Variants in SOCS7 observed in about 807,000 individuals in gnomAD.
The protein encoded by SOCS7 is NAP-4.
A neutral mutation model predicts 58.9 loss-of-function variants in SOCS7; 18 were observed. The observed-to-expected ratio is 0.31, with a 90% CI of 0.21 to 0.45. SOCS7 has a LOEUF of 0.45. SOCS7 is among the 20% of genes least tolerant of loss of function. SOCS7 has a pLI of 1.00. For synonymous variants in SOCS7, 388 were observed against 364.3 expected (o/e 1.06, Z -0.74); for missense variants, 667 against 837.3 (o/e 0.80, Z 2.51).
chr17:38,365,970 C>A, intron 4 of SOCS7: 1 of 1,093,420 alleles, frequency 9.1e-7, no homozygotes, highest in Non-Finnish European at 1.1e-6. Context: ...CACTTCACTT[C>A]GAGGTGGGAG....
chr17:38,382,086 T>G (rs986494922), intron 7 of SOCS7, among the ~76,000 whole-genome samples: 4 of 151,480 alleles, frequency 2.6e-5, no homozygotes, highest in Non-Finnish European at 5.9e-5. Flanking sequence ...CCTTTTTAAT[T>G]GAGAGAATCT....
rs758695865 is a variant in SOCS7, at chr17:38,364,817, A to G, written c.1111A>G (p.Thr371Ala). The change falls in exon 3 of 10, where the codon ACT becomes GCT. Residue 371 changes from threonine to alanine, a missense_variant. Physicochemically the swap from Thr to Ala is moderately conservative, Grantham distance 58. Coordinates refer to ENST00000612932, the MANE Select transcript of SOCS7 (RefSeq NM_014598.4). Reference protein sequence around the residue: ...QRGLTSPHPPTPPPPPRRSLS... With the variant: ...QRGLTSPHPPAPPPPPRRSLS... The stretch of plus-strand genomic sequence containing the variant: ...GGGCCTGACCTCTCCACACCCTCCA[A>G]CTCCCCCTCCTCCTCCGAGAAGAAG... 1.9e-6 allele frequency: 3 copies of G among 1,612,882 alleles called. No individual in the cohort carries two copies. The highest frequency in any genetic ancestry group is 2.7e-5 in the African/African-American group (2 of 74,528).
rs547951181 is a variant in SOCS7 at position 38,352,686 on chromosome 17, G to A, written c.634G>A (p.Gly212Ser). Reference sequence around the variant, plus strand: ...CCCGGGTCGCGGAGGAGGAGGGGGCGGCCGGCTTCTGCTGCAGCCCCCAGG... The same window carrying A: ...CCCGGGTCGCGGAGGAGGAGGGGGCAGCCGGCTTCTGCTGCAGCCCCCAGG... ...SSPGRGGGGG[G>S]RLLLQPPGPE... Residue 212 changes from glycine (G) to serine (S), a missense_variant, in exon 1 of 10, where the codon GGC becomes AGC. Physicochemically the swap from Gly to Ser is moderately conservative, Grantham distance 56 (BLOSUM62 0). Around this residue, in one of 9 missense-constraint regions of SOCS7, gnomAD observed 208 missense variants for 190.3 expected, o/e 1.09. Coordinates refer to ENST00000612932, the MANE Select transcript of SOCS7 (RefSeq NM_014598.4). This position sits in a 1 kb window ranked among gnomAD's most constrained non-coding sequence, Gnocchi z 5.5. The A allele has an allele frequency of 2.6e-6, 4 of 1,549,900 alleles. No individual in the cohort carries two copies. Among genetic ancestry groups the A allele is most frequent in the African/African-American group, 2.7e-5 (2 of 73,172 alleles).
chr17:38,373,886 G>A (rs1395952983), intron 6 of SOCS7, among the ~76,000 whole-genome samples: 5 of 152,234 alleles, frequency 3.3e-5, no homozygotes, highest in Non-Finnish European at 7.3e-5. Flanking sequence ...AGAAGACACC[G>A]ATAGAACATC....
chr17:38,361,586 T>C (rs2037719683), intron 1 of SOCS7, 125 bp from the exon 2 acceptor site: 1 of 773,766 alleles, frequency 1.3e-6, no homozygotes, highest in Non-Finnish European at 2.3e-6. Flanking sequence ...ATTACAAGAG[T>C]GTTGCTGACA....
At chr17:38,387,506 TA>T (rs1199581282) in intron 7 of SOCS7, among the ~76,000 whole-genome samples, 1 of 142,630 alleles carries the variant, frequency 7.0e-6, no homozygotes, top group Non-Finnish European at 1.5e-5. Context: ...ATAATATATA[TA>T]CACAATATAT....
Position 38,355,615 on chromosome 17 carries a change from A to G in SOCS7, c.980+2583A>G, listed in dbSNP as rs587651913. 3.3e-5 allele frequency among the ~76,000 whole-genome samples: 5 copies of G among 152,290 alleles called. No homozygotes were observed. The South Asian group carries it at 6.2e-4, about 19-fold the overall frequency. ...AAATTTCAGTCTTTTGCCAAAGGGTATATGCCTTTGTCCTCATTGTTGATT... is the reference window on the plus strand; with the variant it reads ...AAATTTCAGTCTTTTGCCAAAGGGTGTATGCCTTTGTCCTCATTGTTGATT... On this transcript the variant is annotated intron_variant, in intron 1 of 9. Coordinates refer to ENST00000612932, the MANE Select transcript of SOCS7 (RefSeq NM_014598.4).
intron 2 of SOCS7, among the ~76,000 whole-genome samples, chr17:38,364,133 G>T (rs1348436343): frequency 1.3e-5 from 2 of 152,210 alleles, no homozygotes; most frequent in African/African-American, 4.8e-5. Flanking sequence ...TGTGAAAGTA[G>T]TTAATTTTTA....
chr17:38,364,616 T>TG (rs1262077225), intron 2 of SOCS7, 136 bp from the exon 3 acceptor site: 15 of 679,920 alleles, frequency 2.2e-5, no homozygotes, highest in Admixed American at 7.4e-5. Context: ...ATTTCAGCCC[T>TG]GGGGGCATTA....
chr17:38,397,784 G>A (rs1414644838), intron 9 of SOCS7, among the ~76,000 whole-genome samples: 1 of 152,210 alleles, frequency 6.6e-6, no homozygotes, highest in Non-Finnish European at 1.5e-5. Context: ...GAACATAAAT[G>A]AATGGGCTAA....
intron 7 of SOCS7, among the ~76,000 whole-genome samples, chr17:38,387,633 T>A (rs1164985884): frequency 0.01 from 920 of 90,074 alleles, 115 homozygotes; most frequent in African/African-American, 0.069. Flanking sequence ...TACAATATAT[T>A]GTATATTATA....
chr17:38,363,748 G>T (rs1744843577), intron 2 of SOCS7, among the ~76,000 whole-genome samples: 1 of 152,010 alleles, frequency 6.6e-6, no homozygotes, highest in Non-Finnish European at 1.5e-5. Context: ...GTAGATATTG[G>T]TCACCTCATT....
intron 6 of SOCS7, among the ~76,000 whole-genome samples, chr17:38,371,414 C>T (rs935836565): frequency 7.2e-5 from 11 of 152,022 alleles, no homozygotes; most frequent in African/African-American, 9.7e-5. Context: ...AGTTCCTGGA[C>T]GCGTGCCACC....
chr17:38,365,947 G>A, intron 4 of SOCS7: 1 of 1,064,610 alleles, frequency 9.4e-7, no homozygotes, highest in Non-Finnish European at 1.1e-6. Context: ...TATTTCCAAG[G>A]CTGCCTTATC....
rs985999766 is a variant in SOCS7, at chr17:38,390,632, T to C, written c.1682-4677T>C. Among the ~76,000 whole-genome samples the C allele has an allele frequency of 2.0e-5, 3 of 150,104 alleles. No homozygotes were observed. In the Admixed American group the frequency reaches 2.0e-4, roughly 10 times the overall value. The stretch of plus-strand genomic sequence containing the variant: ...TGAACAATGTTTTATATTTTTTCTT[T>C]TGTTCGTTTTCCTTCCTTCCTTCCT... On this transcript the variant is annotated intron_variant, in intron 7 of 9. Coordinates refer to ENST00000612932, the MANE Select transcript of SOCS7 (RefSeq NM_014598.4).
chr17:38,352,202 C>T lies in SOCS7; in HGVS notation c.150C>T (p.Phe50=), dbSNP rs2037562186. 25 of 1,328,474 alleles carry T rather than the reference C, an allele frequency of 1.9e-5. No individual in the cohort carries two copies. The highest frequency in any genetic ancestry group is 4.1e-5 in the Admixed American group (1 of 24,546). 82.3% of individuals were successfully genotyped at this position (1,328,474 alleles called of 1,614,324 possible). A position where few individuals can be genotyped will look rare whatever the true frequency, so the allele number is the denominator to read the frequency against. The change falls in exon 1 of 10, where the codon TTC becomes TTT. Residue 50 remains phenylalanine (F), a synonymous_variant. Coordinates refer to ENST00000612932, the MANE Select transcript of SOCS7 (RefSeq NM_014598.4). This position sits in a 1 kb window ranked among gnomAD's most constrained non-coding sequence, Gnocchi z 5.5. ...GCCATGGCCCCCCGCCGCCACCCTT[C>T]CTCGCGCGGCCCGGCCCGCGGGGCT... ...PPGHGPPPPP[F]LARPGPRGSR...
chr17:38,363,814 TA>T (rs202029398), intron 2 of SOCS7, among the ~76,000 whole-genome samples: 24 of 151,096 alleles, frequency 1.6e-4, no homozygotes, highest in African/African-American at 4.4e-4. Flanking sequence ...AGCCCTGAAT[TA>T]AAAAAAAAGG....
Position 38,399,722 on chromosome 17 carries a change from C to T in SOCS7, c.*240C>T, listed in dbSNP as rs532016263. ...TGGGCATCTTAGGACTGGAGGGGCT[C>T]CTTGGAAAACTGGAAGAAGTCTCAA... On this transcript the variant is annotated 3_prime_UTR_variant, in exon 10 of 10. Coordinates refer to ENST00000612932, the MANE Select transcript of SOCS7 (RefSeq NM_014598.4). 6.5e-6 allele frequency: 1 copy of T among 152,764 alleles called. No individual in the cohort carries two copies. Among genetic ancestry groups the T allele is most frequent in the South Asian group, 2.1e-4 (1 of 4,820 alleles). The allele number at this position is 152,764 out of a possible 1,614,324, so 9.5% of individuals were successfully genotyped here. A position where few individuals can be genotyped will look rare whatever the true frequency, so the allele number is the denominator to read the frequency against.
chr17:38,352,109 C>T lies in SOCS7; in HGVS notation c.57C>T (p.Arg19=). ...GEAAAAAASY[R]VLSRLLGYGE... is the part of the protein sequence containing the mutation. Reference sequence around the variant, plus strand: ...CGGCGGCGGCGGCCGCTTCGTACCGCGTCCTGAGCCGCCTCCTTGGCTATG... The same window carrying T: ...CGGCGGCGGCGGCCGCTTCGTACCGTGTCCTGAGCCGCCTCCTTGGCTATG... The change falls in exon 1 of 10, where the codon CGC becomes CGT. Residue 19 remains arginine, a synonymous_variant. Transcript: ENST00000612932. The surrounding 1 kb of genome is among the most constrained non-coding windows in gnomAD (Gnocchi z 5.5). 2 of 775,704 alleles carry T rather than the reference C, an allele frequency of 2.6e-6. No homozygotes were observed. The highest frequency in any genetic ancestry group is 6.1e-5 in the South Asian group (1 of 16,276). The allele number at this position is 775,704 out of a possible 1,614,324, so 48.1% of individuals were successfully genotyped here.
Sources: gnomAD v4.1 joint callset for allele counts (sites outside exome capture counted in the v4.1 genomes callset) on GRCh38, gnomAD v4.1.1 for gene constraint, gnomAD v4.1.1 regional missense constraint, Gnocchi (gnomAD v3.1) non-coding constraint, MANE v1.5 for transcripts, NCBI Gene and HGNC (gene_info 2026-07-23, HGNC 2026-07-21) for gene names.